EFR3B: variants seen among roughly 807,000 people sequenced by gnomAD.
The protein encoded by EFR3B is EFR3 homolog B, also known as protein EFR3 homolog B.
Under a neutral mutation model 104.7 loss-of-function variants are expected in EFR3B, and 64 were observed. The ratio of observed to expected loss-of-function variants is 0.61; its 90% CI spans 0.50 to 0.75. The LOEUF (loss-of-function observed/expected upper bound fraction) is 0.75. Ranked by LOEUF, EFR3B falls within the 30% of genes least tolerant of loss-of-function variation. The pLI is 0.00. For synonymous variants in EFR3B, 385 were observed against 417.9 expected, an observed-to-expected ratio of 0.92 and a Z score of 0.96; for missense variants, 750 against 1,078.5, an observed-to-expected ratio of 0.70 and a Z score of 4.27.
intron 5 of EFR3B, 142 bp from the exon 6 acceptor site, chr2:25,128,041 A>ACAT (rs1670214288): frequency 5.5e-6 from 5 of 909,322 alleles, no homozygotes; most frequent in Non-Finnish European, 8.2e-6. Flanking sequence ...AGGTCTCATG[A>ACAT]GAGTAGCAGC....
chr2:25,080,664 T>A, intron 1 of EFR3B: 3 of 667,148 alleles, frequency 4.5e-6, no homozygotes, highest in Non-Finnish European at 7.8e-6. Context: ...CTGTATTTCC[T>A]TTCAGGCCAA....
At position 25,141,446 on chromosome 2, in the gene EFR3B, C is replaced by CG. The variant is rs988177069; in HGVS notation, c.1922+18dup. ...TGGAGAGGCCCAGGTGAGGAGAGGA[C>CG]GGGGGACGTGGTCAGGGATCCCCAG... On this transcript the variant is annotated intron_variant, in intron 17 of 22. Transcript: ENST00000403714. 1.9e-6 allele frequency: 3 copies of CG among 1,550,406 alleles called. No homozygotes were observed. Among genetic ancestry groups the CG allele is most frequent in the Admixed American group, 3.9e-5 (2 of 50,898 alleles).
intron 1 of EFR3B, among the ~76,000 whole-genome samples, chr2:25,082,788 G>A (rs143170591): frequency 2.2e-4 from 34 of 152,196 alleles, no homozygotes; most frequent in African/African-American, 8.2e-4. Context: ...TGGGGAGATG[G>A]AGTGTAGACA....
At chr2:25,059,002 A>G (rs1421676119) in intron 1 of EFR3B, among the ~76,000 whole-genome samples, 2 of 152,216 alleles carry the variant, frequency 1.3e-5, no homozygotes, top group Non-Finnish European at 2.9e-5. Context: ...CCATGTTCAC[A>G]GCAGCATTAT....
chr2:25,095,405 G>A (rs1213276702), intron 3 of EFR3B, among the ~76,000 whole-genome samples: 3 of 151,888 alleles, frequency 2.0e-5, no homozygotes, highest in Admixed American at 2.0e-4. Context: ...ACAGTAAAAC[G>A]AACATACTGG....
intron 12 of EFR3B, among the ~76,000 whole-genome samples, chr2:25,134,228 G>A (rs1313878862): frequency 6.6e-6 from 1 of 151,064 alleles, no homozygotes; most frequent in African/African-American, 2.4e-5. Context: ...TGCTTAGGCT[G>A]GAGTGCAGTG....
intron 4 of EFR3B, among the ~76,000 whole-genome samples, chr2:25,109,997 G>T (rs76658250): frequency 1.7e-4 from 26 of 152,202 alleles, no homozygotes; most frequent in Non-Finnish European, 2.5e-4. Flanking sequence ...CAGCAGGTTG[G>T]GGGGAGGGCG....
At chr2:25,118,608 C>T (rs778213004) in intron 4 of EFR3B, among the ~76,000 whole-genome samples, 4 of 151,448 alleles carry the variant, frequency 2.6e-5, no homozygotes, top group Non-Finnish European at 2.9e-5. Flanking sequence ...CTGGCTTAAC[C>T]GTGGTGACTA....
At chr2:25,121,903 G>T in intron 5 of EFR3B, 109 bp downstream of exon 5, 2 of 1,447,710 alleles carry the variant, frequency 1.4e-6, no homozygotes, top group Non-Finnish European at 1.9e-6. Flanking sequence ...GTTAGTATCT[G>T]TGTCTGCTCT....
intron 4 of EFR3B, among the ~76,000 whole-genome samples, chr2:25,112,816 T>A (rs1024951490): frequency 1.3e-5 from 2 of 152,070 alleles, no homozygotes; most frequent in Non-Finnish European, 2.9e-5. Context: ...GAAAGTTGGG[T>A]TTTATGTATG....
intron 19 of EFR3B, chr2:25,147,562 A>G (rs1670852410): frequency 6.6e-6 from 1 of 152,166 alleles, no homozygotes; most frequent in African/African-American, 2.4e-5. Flanking sequence ...CCACGCAACC[A>G]CGCCTGGATG....
chr2:25,130,063 C>G lies in EFR3B; in HGVS notation c.724C>G (p.Arg242Gly), dbSNP rs1171797928. The G allele has an allele frequency of 6.4e-7, 1 of 1,551,752 alleles. No individual in the cohort carries two copies. The highest frequency in any genetic ancestry group is 8.7e-7 in the Non-Finnish European group (1 of 1,147,006). The change falls in exon 7 of 23, where the codon CGG becomes GGG. Residue 242 changes from arginine (R) to glycine (G), a missense_variant. Coordinates refer to ENST00000403714, the MANE Select transcript of EFR3B (RefSeq NM_014971.2). This position sits in a 1 kb window ranked among gnomAD's most constrained non-coding sequence, Gnocchi z 4.6. ...GAGGTGTCTTCGGGAGCTGCTGGGCCGGGCTGCCTTTGGCAACATCAAAAA... is the reference window on the plus strand; with the variant it reads ...GAGGTGTCTTCGGGAGCTGCTGGGCGGGGCTGCCTTTGGCAACATCAAAAA... ...AERCLRELLG[R>G]AAFGNIKNAI...
chr2:25,052,578 C>T (rs1227335502), intron 1 of EFR3B, among the ~76,000 whole-genome samples: 12 of 150,076 alleles, frequency 8.0e-5, no homozygotes, highest in South Asian at 4.2e-4. Flanking sequence ...CTCTGCTTAC[C>T]GCAACCTCTG....
chr2:25,135,848 G>A (rs903457560), intron 13 of EFR3B, among the ~76,000 whole-genome samples: 17 of 152,162 alleles, frequency 1.1e-4, no homozygotes, highest in East Asian at 3.9e-4. Flanking sequence ...GAGAAGGAGA[G>A]ACTAAAGGGC....
intron 1 of EFR3B, among the ~76,000 whole-genome samples, chr2:25,069,759 C>T (rs773654129): frequency 2.6e-5 from 4 of 152,208 alleles, no homozygotes; most frequent in Non-Finnish European, 4.4e-5. Flanking sequence ...TGCAATGGCA[C>T]GATCTTGGCT....
chr2:25,103,211 C>G lies in EFR3B; in HGVS notation c.213-426C>G, dbSNP rs772884321. On this transcript the variant is annotated intron_variant, in intron 3 of 22. Coordinates refer to ENST00000403714, the MANE Select transcript of EFR3B (RefSeq NM_014971.2). ...GACTGCCTTCTTCATCCTTACACCC[C>G]CTGCACTGTCTAGGACAGAGCCTTT... Among the ~76,000 whole-genome samples the G allele has an allele frequency of 1.0e-3, 154 of 152,188 alleles. 1 individual carries two copies. The highest frequency in any genetic ancestry group is 2.0e-3 in the Non-Finnish European group (139 of 68,026).
chr2:25,096,021 G>C lies in EFR3B; in HGVS notation c.212+2891G>C, dbSNP rs573435450. 8.8e-4 allele frequency among the ~76,000 whole-genome samples: 128 copies of C among 145,348 alleles called. 3 individuals carry two copies. The East Asian group carries it at 0.023, about 26-fold the overall frequency. Reference sequence around the variant, plus strand: ...TCCTGTTGGTTCCATTCCCCACTGAGTCTTTTTTTTTTGAGATGGAGTCTC... The same window carrying C: ...TCCTGTTGGTTCCATTCCCCACTGACTCTTTTTTTTTTGAGATGGAGTCTC... On this transcript the variant is annotated intron_variant, in intron 3 of 22. Transcript: ENST00000403714.
At chr2:25,106,136 G>A (rs1669556128) in intron 4 of EFR3B, among the ~76,000 whole-genome samples, 1 of 152,288 alleles carries the variant, frequency 6.6e-6, no homozygotes, top group South Asian at 2.1e-4. Flanking sequence ...AGACCTGCTA[G>A]CATGCTAGTG....
chr2:25,131,985 G>T lies in EFR3B; in HGVS notation c.1147+74G>T. 1 of 1,145,112 alleles carries T rather than the reference G, an allele frequency of 8.7e-7. No homozygotes were observed. Among genetic ancestry groups the T allele is most frequent in the East Asian group, 3.4e-5 (1 of 29,560 alleles). The allele number at this position is 1,145,112 out of a possible 1,614,324, so 70.9% of individuals were successfully genotyped here. A position where few individuals can be genotyped will look rare whatever the true frequency, so the allele number is the denominator to read the frequency against. On this transcript the variant is annotated intron_variant, in intron 10 of 22. Transcript: ENST00000403714. The surrounding 1 kb of genome is among the most constrained non-coding windows in gnomAD (Gnocchi z 7.6). ...GGGGAGGGGAGGGGAGGGACGGGAC[G>T]GGGCCCAGGGGCTCAAGACTGAGGC...
Sources: gnomAD v4.1 joint callset for allele counts (sites outside exome capture counted in the v4.1 genomes callset) on GRCh38, gnomAD v4.1.1 for gene constraint, Gnocchi (gnomAD v3.1) non-coding constraint, MANE v1.5 for transcripts, NCBI Gene and HGNC (gene_info 2026-07-23, HGNC 2026-07-21) for gene names.